The following CTNND2 variants were observed in gnomAD, a reference collection of about 807,000 sequenced individuals.
CTNND2 encodes catenin delta-2.
A neutral mutation model predicts 144.4 loss-of-function variants in CTNND2; 22 were observed. That is an observed-to-expected ratio of 0.15 (90% CI 0.11 to 0.22). CTNND2 has a LOEUF of 0.22. Among genes scored for constraint, CTNND2 ranks in the 10% least tolerant of loss-of-function variants. The probability of loss-of-function intolerance (pLI) is 1.00; values close to 1 mark genes in which losing one functional copy is unlikely to be tolerated. For missense variants in CTNND2, 1,353 were observed against 1,618.8 expected (o/e 0.84, Z 2.82); for synonymous variants, 751 against 695.6 (o/e 1.08, Z -1.25).
intron 11 of CTNND2, among the ~76,000 whole-genome samples, chr5:11,175,804 A>G (rs772375027): frequency 2.2e-4 from 34 of 152,112 alleles, no homozygotes; most frequent in Non-Finnish European, 2.9e-5. Context: ...ACTGAGGTAT[A>G]TTGCCAAAAT....
intron 9 of CTNND2, among the ~76,000 whole-genome samples, chr5:11,345,586 C>A (rs934568862): frequency 2.0e-5 from 3 of 152,094 alleles, no homozygotes; most frequent in Admixed American, 6.5e-5. Flanking sequence ...AAGCCACCTG[C>A]CCTGCCATAA....
intron 3 of CTNND2, among the ~76,000 whole-genome samples, chr5:11,488,584 T>C (rs1472124689): frequency 1.3e-5 from 2 of 152,194 alleles, no homozygotes; most frequent in African/African-American, 2.4e-5. Flanking sequence ...ACCAACCGAA[T>C]TGGTAATTTT....
Position 10,992,648 on chromosome 5 carries a change from G to C in CTNND2, c.3114C>G (p.Ala1038=). Residue 1038 remains alanine (A), a synonymous_variant, in exon 19 of 22, where the codon GCC becomes GCG. Coordinates refer to ENST00000304623, the MANE Select transcript of CTNND2 (RefSeq NM_001332.4). ...KDGWSQYHFV[A]SSSTIERDRQ... ...GGTCCCTCTCGATGGTTGAAGACGAGGCTACAAAGTGGTATTGTGACCATC... is the reference window on the plus strand; with the variant it reads ...GGTCCCTCTCGATGGTTGAAGACGACGCTACAAAGTGGTATTGTGACCATC... 1 of 1,614,186 alleles carries C rather than the reference G, an allele frequency of 6.2e-7. No individual in the cohort carries two copies. The highest frequency in any genetic ancestry group is 8.5e-7 in the Non-Finnish European group (1 of 1,180,022).
chr5:11,199,714 T>C (rs925681553), intron 10 of CTNND2, 53 bp from the exon 11 acceptor site: 2 of 1,336,484 alleles, frequency 1.5e-6, no homozygotes, highest in South Asian at 2.3e-5. Flanking sequence ...TTTCCCTACC[T>C]ACACCAAAAC....
chr5:11,714,195 A>G (rs1388817486), intron 2 of CTNND2, among the ~76,000 whole-genome samples: 5 of 152,204 alleles, frequency 3.3e-5, no homozygotes, highest in Non-Finnish European at 5.9e-5. Context: ...ACATTGGTAG[A>G]AAATGAAAAA....
chr5:11,228,370 A>ATC (rs1561054200), intron 10 of CTNND2, among the ~76,000 whole-genome samples: 3 of 149,866 alleles, frequency 2.0e-5, no homozygotes, highest in African/African-American at 7.4e-5. Context: ...AAAAAAAAAA[A>ATC]AAAAAAAAAC....
At chr5:11,692,910 A>G (rs1264823086) in intron 2 of CTNND2, among the ~76,000 whole-genome samples, 1 of 152,152 alleles carries the variant, frequency 6.6e-6, no homozygotes, top group Non-Finnish European at 1.5e-5. Context: ...CTGGGTCAAC[A>G]TTTTTAAAAG....
intron 3 of CTNND2, among the ~76,000 whole-genome samples, chr5:11,415,607 C>A (rs1761875994): frequency 6.6e-6 from 1 of 152,076 alleles, no homozygotes; most frequent in Non-Finnish European, 1.5e-5. Flanking sequence ...AGAGTAAGAC[C>A]ACTGCCTCTA....
chr5:11,821,849 A>C (rs1422991672), intron 1 of CTNND2, among the ~76,000 whole-genome samples: 12 of 152,192 alleles, frequency 7.9e-5, no homozygotes, highest in Admixed American at 7.9e-4. Flanking sequence ...TTATTATTTT[A>C]ACAATTTAAT....
chr5:10,999,266 T>C (rs116112343), intron 18 of CTNND2, among the ~76,000 whole-genome samples: 10,292 of 152,284 alleles, frequency 0.068, 386 homozygotes, highest in East Asian at 0.11. Context: ...TCACTCAGAA[T>C]GGCTTGGAGG....
chr5:11,183,175 T>C (rs1450041184), intron 11 of CTNND2, among the ~76,000 whole-genome samples: 1 of 152,206 alleles, frequency 6.6e-6, no homozygotes, highest in Non-Finnish European at 1.5e-5. Context: ...CTTCAATAAC[T>C]AAGTTAATAG....
At chr5:11,299,590 G>C (rs183766351) in intron 9 of CTNND2, among the ~76,000 whole-genome samples, 1 of 152,176 alleles carries the variant, frequency 6.6e-6, no homozygotes, top group Admixed American at 6.5e-5. Context: ...GAAACCTCTG[G>C]AGAAGCTATG....
chr5:11,171,707 G>A (rs542739061), intron 11 of CTNND2, among the ~76,000 whole-genome samples: 12 of 152,286 alleles, frequency 7.9e-5, no homozygotes, highest in African/African-American at 2.4e-4. Context: ...TCCATCAACT[G>A]TCAGAGGTGG....
At chr5:11,625,542 T>C (rs535770007) in intron 2 of CTNND2, among the ~76,000 whole-genome samples, 2 of 152,162 alleles carry the variant, frequency 1.3e-5, no homozygotes, top group South Asian at 4.1e-4. Flanking sequence ...GAACAAAATC[T>C]TTGCAATCAT....
chr5:11,595,504 C>T (rs1457233628), intron 2 of CTNND2, among the ~76,000 whole-genome samples: 1 of 152,024 alleles, frequency 6.6e-6, no homozygotes, highest in Non-Finnish European at 1.5e-5. Context: ...TTATTTGAGA[C>T]CTCACAAGCC....
At chr5:11,129,210 T>A (rs1219907658) in intron 12 of CTNND2, among the ~76,000 whole-genome samples, 2 of 29,138 alleles carry the variant, frequency 6.9e-5, no homozygotes, top group African/African-American at 2.0e-4. Flanking sequence ...ATTATATATT[T>A]ATATATTATA....
At chr5:11,049,680 T>C (rs996405437) in intron 16 of CTNND2, among the ~76,000 whole-genome samples, 6 of 152,204 alleles carry the variant, frequency 3.9e-5, no homozygotes, top group African/African-American at 1.4e-4. Flanking sequence ...TTTCTGGAAA[T>C]GCTATCCATT....
At chr5:11,813,210 T>C (rs2126913629) in intron 1 of CTNND2, among the ~76,000 whole-genome samples, 1 of 152,342 alleles carries the variant, frequency 6.6e-6, no homozygotes, top group Middle Eastern at 3.4e-3. Flanking sequence ...TGTACAGATA[T>C]GTAGCCTAGA....
chr5:11,198,771 C>T (rs1286563259), intron 11 of CTNND2, among the ~76,000 whole-genome samples: 2 of 152,170 alleles, frequency 1.3e-5, no homozygotes, highest in Non-Finnish European at 2.9e-5. Flanking sequence ...CTCCAAGTAA[C>T]ACTGCACATT....
Sources: allele counts gnomAD v4.1 joint callset (sites outside exome capture counted in the v4.1 genomes callset), GRCh38; gene constraint gnomAD v4.1.1; transcripts MANE v1.5; gene names NCBI Gene and HGNC (gene_info 2026-07-23, HGNC 2026-07-21).